Variants in ANKS3 observed in about 807,000 individuals in gnomAD.
ANKS3 encodes ankyrin repeat and sterile alpha motif domain containing 3, also known as ankyrin repeat and SAM domain-containing protein 3.
Under a neutral mutation model 80.7 loss-of-function variants are expected in ANKS3, and 62 were observed. The ratio of observed to expected loss-of-function variants is 0.77; its 90% CI spans 0.63 to 0.95. The LOEUF is 0.95. Ranked by LOEUF, ANKS3 falls within the 40% of genes least tolerant of loss-of-function variation. The probability of loss-of-function intolerance (pLI) is 0.00; values close to 1 mark genes in which losing one functional copy is unlikely to be tolerated. For synonymous variants in ANKS3, 489 were observed against 355.3 expected (o/e 1.38, Z -4.23); for missense variants, 1,150 against 883.6 (o/e 1.30, Z -3.82).
At chr16:4,710,169 T>C (rs2080408656) in intron 7 of ANKS3, among the ~76,000 whole-genome samples, 1 of 152,076 alleles carries the variant, frequency 6.6e-6, no homozygotes, top group African/African-American at 2.4e-5. Flanking sequence ...GGTGTAAAAT[T>C]ACAGATCGAA....
chr16:4,707,281 CT>C lies in ANKS3; in HGVS notation c.710-2029del, dbSNP rs112926809. 2.7e-3 allele frequency among the ~76,000 whole-genome samples: 371 copies of C among 135,896 alleles called. 1 individual carries two copies. Among genetic ancestry groups the C allele is most frequent in the East Asian group, 0.012 (55 of 4,632 alleles). 89.2% of individuals were successfully genotyped at this position (135,896 alleles called of 152,430 possible). On this transcript the variant is annotated intron_variant, in intron 7 of 17. Transcript: ENST00000304283. ...ACATTAAATATGACACGGAAGGACA[CT>C]TTTTTTTTTTTTTTTTTGAAACAGA...
At chr16:4,714,246 G>C (rs1359167507) in intron 6 of ANKS3, 60 bp from the exon 7 acceptor site, 1 of 1,594,752 alleles carries the variant, frequency 6.3e-7, no homozygotes, top group Non-Finnish European at 8.5e-7. Context: ...GCCCTTCCTG[G>C]GCTGCTGGCT....
chr16:4,728,983 G>A (rs115689039), intron 3 of ANKS3, among the ~76,000 whole-genome samples: 163 of 152,300 alleles, frequency 1.1e-3, no homozygotes, highest in African/African-American at 3.8e-3. Flanking sequence ...TGGCTCACTG[G>A]GAACTGGAAG....
At chr16:4,708,030 G>C (rs183531457) in intron 7 of ANKS3, among the ~76,000 whole-genome samples, 15 of 152,078 alleles carry the variant, frequency 9.9e-5, no homozygotes, top group African/African-American at 3.1e-4. Context: ...CAGGAGAGTC[G>C]CTTGAACCTG....
chr16:4,716,005 C>G lies in ANKS3; in HGVS notation c.574-1819G>C, dbSNP rs79126600. On this transcript the variant is annotated intron_variant, in intron 6 of 17. Coordinates refer to ENST00000304283, the MANE Select transcript of ANKS3 (RefSeq NM_133450.4). ...AAACAGAGCGCCTCCCGCCCATTTACGTGGTGGGTGGGAGTACCTGCGGTG... is the reference window on the plus strand; with the variant it reads ...AAACAGAGCGCCTCCCGCCCATTTAGGTGGTGGGTGGGAGTACCTGCGGTG... Among the ~76,000 whole-genome samples the G allele has an allele frequency of 7.3e-3, 1,109 of 152,136 alleles. 10 individuals carry two copies. Among genetic ancestry groups the G allele is most frequent in the African/African-American group, 0.025 (1,054 of 41,512 alleles).
intron 15 of ANKS3, 36 bp downstream of exon 15, chr16:4,697,941 C>CCT: frequency 6.6e-7 from 1 of 1,506,928 alleles, no homozygotes; most frequent in Non-Finnish European, 8.9e-7. Flanking sequence ...CCCACCTTCC[C>CCT]CTCTGCCCAG....
chr16:4,729,929 C>A, intron 3 of ANKS3, 51 bp downstream of exon 3: 2 of 1,395,562 alleles, frequency 1.4e-6, no homozygotes, highest in South Asian at 1.8e-5. Context: ...GGGATCGAAG[C>A]CATCACTGCG....
chr16:4,705,135 T>C lies in ANKS3; in HGVS notation c.828A>G (p.Thr276=), dbSNP rs142916687. 93 of 1,613,296 alleles carry C rather than the reference T, an allele frequency of 5.8e-5. No homozygotes were observed. In the African/African-American group the frequency reaches 1.2e-3, roughly 20 times the overall value. Reference sequence around the variant, plus strand: ...GGGCTCTGCCGCCCAGGCCAATGCCTGTGATCCTGGCCAGGGCTCGCGGTC... The same window carrying C: ...GGGCTCTGCCGCCCAGGCCAATGCCCGTGATCCTGGCCAGGGCTCGCGGTC... ...HEGPRALARI[T]GIGLGGRAPR... Residue 276 remains threonine (T), a synonymous_variant, in exon 8 of 18, where the codon ACA becomes ACG. Coordinates refer to ENST00000304283, the MANE Select transcript of ANKS3 (RefSeq NM_133450.4).
At chr16:4,701,351 T>C (rs2079891832) in intron 10 of ANKS3, 83 bp downstream of exon 10, 11 of 1,395,080 alleles carry the variant, frequency 7.9e-6, no homozygotes, top group Admixed American at 2.3e-5. Context: ...CTTACATACA[T>C]GCTCATCTTA....
At position 4,705,202 on chromosome 16, in the gene ANKS3, C is replaced by T. The variant is rs1179901503; in HGVS notation, c.761G>A (p.Arg254Lys). The T allele has an allele frequency of 6.2e-7, 1 of 1,614,024 alleles. No homozygotes were observed. The highest frequency in any genetic ancestry group is 1.3e-5 in the African/African-American group (1 of 75,054). ...ACCCTTCTTCCGGCAAGGCCTCTGT[C>T]TCTGAGGAGCAGGGCAGGACTCGTC... Reference protein sequence around the residue: ...SSDESCPAPQRQRPCRKKGVS... With the variant: ...SSDESCPAPQKQRPCRKKGVS... The change falls in exon 8 of 18, where the codon AGA becomes AAA. Residue 254 changes from arginine (R) to lysine (K), a missense_variant. Coordinates refer to ENST00000304283, the MANE Select transcript of ANKS3 (RefSeq NM_133450.4).
At chr16:4,707,335 G>A (rs1462865635) in intron 7 of ANKS3, among the ~76,000 whole-genome samples, 4 of 147,828 alleles carry the variant, frequency 2.7e-5, no homozygotes, top group African/African-American at 1.0e-4. Flanking sequence ...AGGCTGGAGT[G>A]CAGTGGCACA....
chr16:4,709,545 C>T (rs895192104), intron 7 of ANKS3, among the ~76,000 whole-genome samples: 2 of 152,078 alleles, frequency 1.3e-5, no homozygotes, highest in African/African-American at 4.8e-5. Flanking sequence ...TTCACAGTAG[C>T]CTAGATAGAG....
Position 4,698,433 on chromosome 16 carries a change from T to G in ANKS3, c.1718A>C (p.Gln573Pro). Residue 573 changes from glutamine to proline, a missense_variant, in exon 14 of 18, where the codon CAG (glutamine) becomes CCG (proline). Transcript: ENST00000304283. ...GCAGCTCAGAGCCACTCACCGCAGC[T>G]GGTCCAGGACGAGGGCAGCATCCCG... Reference protein sequence around the residue: ...LARDAALVLDQLRACQAELSS... With the variant: ...LARDAALVLDPLRACQAELSS... 1 of 1,521,766 alleles carries G rather than the reference T, an allele frequency of 6.6e-7. No individual in the cohort carries two copies. Among genetic ancestry groups the G allele is most frequent in the East Asian group, 2.4e-5 (1 of 41,706 alleles). 94.3% of individuals were successfully genotyped at this position (1,521,766 alleles called of 1,614,324 possible).
rs2081830084 is a variant in ANKS3 at position 4,734,213 on chromosome 16, A to C, written c.-346T>G. On this transcript the variant is annotated 5_prime_UTR_variant, in exon 1 of 18. Coordinates refer to ENST00000304283, the MANE Select transcript of ANKS3 (RefSeq NM_133450.4). ...GGGCTGCCGTCGCCAACCCCCCCCAAACAGCTCGCCGCCACGCTCCCTCGC... is the reference window on the plus strand; with the variant it reads ...GGGCTGCCGTCGCCAACCCCCCCCACACAGCTCGCCGCCACGCTCCCTCGC... The C allele has an allele frequency of 1.1e-4, 18 of 168,602 alleles. No homozygotes were observed. The highest frequency in any genetic ancestry group is 2.0e-4 in the Non-Finnish European group (17 of 83,898). 10.4% of individuals were successfully genotyped at this position (168,602 alleles called of 1,614,324 possible).
At chr16:4,700,779 T>G (rs984122011) in intron 11 of ANKS3, 191 bp downstream of exon 11, 1 of 816,674 alleles carries the variant, frequency 1.2e-6, no homozygotes, top group Admixed American at 1.7e-5. Flanking sequence ...AGGAACAGAG[T>G]AGAAGCGCTG....
In ANKS3 at chr16:4,701,125, G is replaced by A. The variant is rs549661337; in HGVS notation, c.1129C>T (p.His377Tyr). Reference sequence around the variant, plus strand: ...TTGCGAGCTGAGCTTTTACAGGCATGATCCGAGTCCTGCAGTGAGAGGCGT... The same window carrying A: ...TTGCGAGCTGAGCTTTTACAGGCATAATCCGAGTCCTGCAGTGAGAGGCGT... ...ASVESNEDSDHACKSSARKQA... is the reference protein window; with the variant it reads ...ASVESNEDSDYACKSSARKQA... The change falls in exon 11 of 18, where the codon CAT becomes TAT. Residue 377 changes from histidine to tyrosine, a missense_variant. His to Tyr is a moderately conservative substitution (Grantham distance 83). Coordinates refer to ENST00000304283, the MANE Select transcript of ANKS3 (RefSeq NM_133450.4). 34 of 1,613,924 alleles carry A rather than the reference G, an allele frequency of 2.1e-5. No homozygotes were observed. In the East Asian group the frequency reaches 7.1e-4, roughly 34 times the overall value.
intron 7 of ANKS3, 25 bp downstream of exon 7, chr16:4,714,026 G>A (rs202087221): frequency 6.2e-7 from 1 of 1,611,982 alleles, no homozygotes; most frequent in Admixed American, 1.7e-5. Flanking sequence ...GACCCCAGCA[G>A]GGCGCGGCTG....
At chr16:4,708,957 A>C (rs1000549461) in intron 7 of ANKS3, among the ~76,000 whole-genome samples, 4 of 151,596 alleles carry the variant, frequency 2.6e-5, no homozygotes, top group African/African-American at 7.3e-5. Flanking sequence ...AAAAAGAACA[A>C]ACACAAATAT....
Position 4,696,826 on chromosome 16 carries a change from C to T in ANKS3, c.*82G>A. On this transcript the variant is annotated 3_prime_UTR_variant, in exon 18 of 18. Coordinates refer to ENST00000304283, the MANE Select transcript of ANKS3 (RefSeq NM_133450.4). ...ACTGGGCCTGGGCTGCACATGGCAG[C>T]TACCTGCTCACTGTCCTCCTCACTC... The T allele has an allele frequency of 1.6e-6, 1 of 629,026 alleles. No homozygotes were observed. The highest frequency in any genetic ancestry group is 2.7e-5 in the Admixed American group (1 of 37,306). The allele number at this position is 629,026 out of a possible 1,614,324, so 39.0% of individuals were successfully genotyped here. A position where few individuals can be genotyped will look rare whatever the true frequency, so the allele number is the denominator to read the frequency against.
Sources: allele counts gnomAD v4.1 joint callset (sites outside exome capture counted in the v4.1 genomes callset), GRCh38; gene constraint gnomAD v4.1.1; transcripts MANE v1.5; gene names NCBI Gene and HGNC (gene_info 2026-07-23, HGNC 2026-07-21).